TMEM154: variants seen among roughly 807,000 people sequenced by gnomAD.
TMEM154 encodes the protein transmembrane protein 154.
In TMEM154, 27 loss-of-function variants were observed where a neutral mutation model predicts 24.5. That is an observed-to-expected ratio of 1.10 (90% CI 0.81 to 1.52). The LOEUF is 1.52. Ranked by LOEUF, TMEM154 falls within the 40% of genes most tolerant of loss-of-function variation. TMEM154 has a pLI of 0.00. For missense variants in TMEM154, 228 were observed against 213.4 expected, an observed-to-expected ratio of 1.07 and a Z score of -0.43; for synonymous variants, 67 against 76.8, an observed-to-expected ratio of 0.87 and a Z score of 0.67.
chr4:152,622,981 T>A lies in TMEM154; in HGVS notation c.*5565A>T, dbSNP rs1307434465. 1.3e-5 allele frequency: 2 copies of A among 152,126 alleles called. No homozygotes were observed. The highest frequency in any genetic ancestry group is 2.9e-5 in the Non-Finnish European group (2 of 68,020). 9.4% of individuals were successfully genotyped at this position (152,126 alleles called of 1,614,324 possible). ...CCCCCCGAGTAGGTGGGATTACAGG[T>A]GTGTACTACCACACCTGGCTAATTT... On this transcript the variant is annotated 3_prime_UTR_variant, in exon 7 of 7. Coordinates refer to ENST00000304385, the MANE Select transcript of TMEM154 (RefSeq NM_152680.3).
At chr4:152,645,773 T>C (rs911465617) in intron 3 of TMEM154, among the ~76,000 whole-genome samples, 5 of 152,154 alleles carry the variant, frequency 3.3e-5, no homozygotes, top group Non-Finnish European at 5.9e-5. Context: ...CAAGCTTGAA[T>C]GGCATTGCTA....
chr4:152,635,619 A>G (rs141345181), intron 6 of TMEM154, among the ~76,000 whole-genome samples: 347 of 152,358 alleles, frequency 2.3e-3, no homozygotes, highest in African/African-American at 7.8e-3. Flanking sequence ...AAAATTCTCT[A>G]TTAAACTAAC....
chr4:152,640,054 C>T (rs548309379), intron 6 of TMEM154, among the ~76,000 whole-genome samples: 5 of 152,158 alleles, frequency 3.3e-5, no homozygotes, highest in African/African-American at 7.2e-5. Context: ...TATTCCCTCG[C>T]GATGCTCAGG....
intron 6 of TMEM154, among the ~76,000 whole-genome samples, chr4:152,628,765 T>G (rs1254569081): frequency 1.3e-5 from 2 of 149,864 alleles, no homozygotes; most frequent in African/African-American, 4.9e-5. Flanking sequence ...GCCTCCTGAG[T>G]AGCTGGGACT....
intron 3 of TMEM154, among the ~76,000 whole-genome samples, chr4:152,646,094 C>T (rs1752367591): frequency 6.6e-6 from 1 of 152,084 alleles, no homozygotes; most frequent in Non-Finnish European, 1.5e-5. Flanking sequence ...CCGTAAAGCT[C>T]CTCCTGTTTT....
intron 1 of TMEM154, among the ~76,000 whole-genome samples, chr4:152,660,426 G>T (rs931250732): frequency 5.3e-5 from 8 of 149,632 alleles, no homozygotes; most frequent in African/African-American, 2.0e-4. Context: ...TACTGTAGCC[G>T]CTGTTACTAT....
intron 1 of TMEM154, among the ~76,000 whole-genome samples, chr4:152,662,430 A>G (rs1728630491): frequency 6.6e-6 from 1 of 152,192 alleles, no homozygotes; most frequent in East Asian, 1.9e-4. Context: ...ATGTCATCAA[A>G]AGGTGAGCTG....
Position 152,638,639 on chromosome 4 carries a change from T to C in TMEM154, c.536+2289A>G, listed in dbSNP as rs910357307. Among the ~76,000 whole-genome samples the C allele has an allele frequency of 2.0e-5, 3 of 152,244 alleles. No individual in the cohort carries two copies. In the South Asian group the frequency reaches 6.2e-4, roughly 31 times the overall value. ...CAGTGCTTATTGAGAACTTACTTTG[T>C]TCTGGGCTTTGTTCTAAATCCAATG... is the stretch of plus-strand genomic sequence containing the variant. On this transcript the variant is annotated intron_variant, in intron 6 of 6. Transcript: ENST00000304385.
chr4:152,635,320 T>A (rs1752127395), intron 6 of TMEM154, among the ~76,000 whole-genome samples: 2 of 152,234 alleles, frequency 1.3e-5, no homozygotes, highest in Admixed American at 1.3e-4. Context: ...ATATCTCTTA[T>A]TTTAACAAAA....
At chr4:152,641,962 A>G (rs1357943625) in intron 5 of TMEM154, among the ~76,000 whole-genome samples, 6 of 113,218 alleles carry the variant, frequency 5.3e-5, no homozygotes, top group Non-Finnish European at 9.7e-5. Context: ...TCGCTCTGTC[A>G]CCCAGGCTGG....
chr4:152,631,048 T>G (rs1313936326), intron 6 of TMEM154, among the ~76,000 whole-genome samples: 1 of 152,216 alleles, frequency 6.6e-6, no homozygotes, highest in Non-Finnish European at 1.5e-5. Flanking sequence ...TTTTTATTTA[T>G]TATAAACATT....
rs569116266 is a variant in TMEM154 at position 152,625,918 on chromosome 4, A to G, written c.*2628T>C. ...TTACAGCTTTTGGTTCTCCTGTATT[A>G]TACAGCATAACTAGGAGAAAAAAAA... On this transcript the variant is annotated 3_prime_UTR_variant, in exon 7 of 7. Transcript: ENST00000304385. The G allele has an allele frequency of 6.6e-6, 1 of 152,250 alleles. No individual in the cohort carries two copies. Among genetic ancestry groups the G allele is most frequent in the Admixed American group, 6.5e-5 (1 of 15,276 alleles). The allele number at this position is 152,250 out of a possible 1,614,324, so 9.4% of individuals were successfully genotyped here.
At chr4:152,675,184 G>C (rs1448358683) in intron 1 of TMEM154, among the ~76,000 whole-genome samples, 2 of 145,538 alleles carry the variant, frequency 1.4e-5, no homozygotes, top group Non-Finnish European at 3.0e-5. Flanking sequence ...AAAAGAATGT[G>C]AGGCAACAGA....
At chr4:152,634,221 A>G (rs1447161487) in intron 6 of TMEM154, among the ~76,000 whole-genome samples, 1 of 152,136 alleles carries the variant, frequency 6.6e-6, no homozygotes, top group Non-Finnish European at 1.5e-5. Flanking sequence ...ACCTTGTTTC[A>G]TAATTGCCCC....
intron 5 of TMEM154, among the ~76,000 whole-genome samples, chr4:152,641,818 A>G (rs891100390): frequency 6.7e-6 from 1 of 149,238 alleles, no homozygotes; most frequent in Non-Finnish European, 1.5e-5. Flanking sequence ...TTTCCTCAAT[A>G]TGAAAAACTG....
chr4:152,637,956 A>G (rs1375664839), intron 6 of TMEM154, among the ~76,000 whole-genome samples: 1 of 152,240 alleles, frequency 6.6e-6, no homozygotes, highest in Non-Finnish European at 1.5e-5. Context: ...AGGTGTTACT[A>G]TCCTTTTAAA....
chr4:152,651,752 G>C (rs1728387535), intron 3 of TMEM154, among the ~76,000 whole-genome samples: 3 of 152,156 alleles, frequency 2.0e-5, no homozygotes, highest in African/African-American at 7.2e-5. Flanking sequence ...CTTTTTCTTT[G>C]CATTTACAAC....
chr4:152,650,185 A>G (rs928532908), intron 3 of TMEM154, among the ~76,000 whole-genome samples: 1 of 152,180 alleles, frequency 6.6e-6, no homozygotes, highest in African/African-American at 2.4e-5. Context: ...TTTCACAAAG[A>G]TTTCTCTGTA....
chr4:152,663,023 C>A (rs1728643684), intron 1 of TMEM154, among the ~76,000 whole-genome samples: 1 of 152,206 alleles, frequency 6.6e-6, no homozygotes. Context: ...CCCTCCCTCT[C>A]TAATTCTCCA....
Sources: allele counts gnomAD v4.1 joint callset (sites outside exome capture counted in the v4.1 genomes callset), GRCh38; gene constraint gnomAD v4.1.1; transcripts MANE v1.5; gene names NCBI Gene and HGNC (gene_info 2026-07-23, HGNC 2026-07-21).